Variants in ROBO1 observed in about 807,000 individuals in gnomAD.
The protein encoded by ROBO1 is roundabout homolog 1.
In ROBO1, 149 loss-of-function variants were observed where a neutral mutation model predicts 195.9. The observed-to-expected ratio is 0.76, with a 90% CI of 0.67 to 0.87. ROBO1 has a LOEUF of 0.87. ROBO1 is among the 40% of genes least tolerant of loss of function. The pLI, the probability that ROBO1 is intolerant of heterozygous loss-of-function variation, is 0.00. For synonymous variants in ROBO1, 816 were observed against 733.2 expected, an observed-to-expected ratio of 1.11 and a Z score of -1.82; for missense variants, 1,933 against 2,068.3, an observed-to-expected ratio of 0.93 and a Z score of 1.27.
intron 1 of ROBO1, among the ~76,000 whole-genome samples, chr3:79,677,555 G>C (rs1364708268): frequency 6.6e-6 from 1 of 152,022 alleles, no homozygotes; most frequent in Non-Finnish European, 1.5e-5. Flanking sequence ...ACCTGCCCCT[G>C]TGATTCAATT....
intron 1 of ROBO1, among the ~76,000 whole-genome samples, chr3:79,732,344 C>T (rs1192326197): frequency 1.3e-5 from 2 of 150,478 alleles, no homozygotes; most frequent in Non-Finnish European, 3.0e-5. Context: ...AAAATTTACA[C>T]AATTTAAAAA....
intron 2 of ROBO1, among the ~76,000 whole-genome samples, chr3:79,507,355 G>A (rs145123369): frequency 1.3e-5 from 2 of 152,256 alleles, no homozygotes; most frequent in East Asian, 3.9e-4. Flanking sequence ...AAATAAATGG[G>A]GGCAGGGGTT....
chr3:78,617,530 A>G (rs1704182848), intron 27 of ROBO1, 105 bp downstream of exon 27: 1 of 1,220,152 alleles, frequency 8.2e-7, no homozygotes, highest in Non-Finnish European at 1.1e-6. Context: ...AACTGTAAGA[A>G]TAGATGCTTT....
intron 4 of ROBO1, among the ~76,000 whole-genome samples, chr3:78,914,268 G>C (rs930731475): frequency 2.0e-5 from 3 of 151,960 alleles, no homozygotes; most frequent in Non-Finnish European, 4.4e-5. Flanking sequence ...AAACCATATT[G>C]CATCAAAAAT....
intron 2 of ROBO1, among the ~76,000 whole-genome samples, chr3:79,559,871 C>G (rs866189684): frequency 2.0e-5 from 3 of 151,890 alleles, no homozygotes; most frequent in Non-Finnish European, 4.4e-5. Context: ...GAGCTGAGAT[C>G]GTACCATTGC....
chr3:78,636,935 TTATATATATATA>T lies in ROBO1; in HGVS notation c.3038-839_3038-828del, dbSNP rs55894934. 2.3e-3 allele frequency among the ~76,000 whole-genome samples: 227 copies of T among 96,692 alleles called. 4 individuals are homozygous for T. The highest frequency in any genetic ancestry group is 0.022 in the Middle Eastern group (2 of 92). 63.4% of individuals were successfully genotyped at this position (96,692 alleles called of 152,430 possible). A position where few individuals can be genotyped will look rare whatever the true frequency, so the allele number is the denominator to read the frequency against. ...TACATACATAATATATACATTCATTTTATATATATATATATATATATATATATATATATATAT... is the reference window on the plus strand; with the variant it reads ...TACATACATAATATATACATTCATTTTATATATATATATATATATATATAT... On this transcript the variant is annotated intron_variant, in intron 22 of 30. Transcript: ENST00000464233.
chr3:79,684,112 T>C (rs571977115), intron 1 of ROBO1, among the ~76,000 whole-genome samples: 2 of 152,130 alleles, frequency 1.3e-5, no homozygotes, highest in Non-Finnish European at 1.5e-5. Flanking sequence ...CCAATACATG[T>C]TATGGTCCAT....
At chr3:79,467,044 G>C (rs1438395158) in intron 2 of ROBO1, among the ~76,000 whole-genome samples, 1 of 152,124 alleles carries the variant, frequency 6.6e-6, no homozygotes, top group East Asian at 1.9e-4. Context: ...CTCTGGAAGA[G>C]ACACGTGGCA....
In ROBO1 at chr3:79,691,109, T is replaced by A. The variant is rs567573931; in HGVS notation, c.-51+76643A>T. Reference sequence around the variant, plus strand: ...CAGGATATAAACCCAGGTCTGGAAATCCCTAACACACGTAAGAACAAGTCC... The same window carrying A: ...CAGGATATAAACCCAGGTCTGGAAAACCCTAACACACGTAAGAACAAGTCC... On this transcript the variant is annotated intron_variant, in intron 1 of 30. Transcript: ENST00000464233. 9.9e-5 allele frequency among the ~76,000 whole-genome samples: 15 copies of A among 152,018 alleles called. 1 individual carries two copies. The South Asian group carries it at 3.1e-3, about 31-fold the overall frequency.
chr3:79,697,373 C>A (rs1421946613), intron 1 of ROBO1, among the ~76,000 whole-genome samples: 1 of 151,462 alleles, frequency 6.6e-6, no homozygotes, highest in Non-Finnish European at 1.5e-5. Flanking sequence ...TAGATACATA[C>A]TTCACCCATA....
At chr3:79,529,576 C>G (rs1941567541) in intron 2 of ROBO1, among the ~76,000 whole-genome samples, 1 of 152,314 alleles carries the variant, frequency 6.6e-6, no homozygotes, top group East Asian at 1.9e-4. Flanking sequence ...TGAGCACAAG[C>G]ACTGCAACAC....
intron 2 of ROBO1, among the ~76,000 whole-genome samples, chr3:79,438,637 T>C (rs913431390): frequency 2.0e-5 from 3 of 152,012 alleles, no homozygotes; most frequent in Admixed American, 6.6e-5. Context: ...CACTCAATAG[T>C]TTATTTTCTA....
chr3:79,402,990 C>A (rs2037418992), intron 2 of ROBO1, among the ~76,000 whole-genome samples: 1 of 151,826 alleles, frequency 6.6e-6, no homozygotes, highest in African/African-American at 2.4e-5. Context: ...CATAGAGTAG[C>A]TACATTGCTA....
At chr3:78,839,831 A>G (rs1463016923) in intron 4 of ROBO1, among the ~76,000 whole-genome samples, 1 of 152,198 alleles carries the variant, frequency 6.6e-6, no homozygotes, top group Non-Finnish European at 1.5e-5. Flanking sequence ...ACAAAATGCC[A>G]TCTCCTCTGC....
At chr3:78,840,041 C>T (rs1368721709) in intron 4 of ROBO1, among the ~76,000 whole-genome samples, 1 of 152,160 alleles carries the variant, frequency 6.6e-6, no homozygotes, top group African/African-American at 2.4e-5. Context: ...TGTGTCTTAC[C>T]TGTCAAAAGT....
intron 2 of ROBO1, among the ~76,000 whole-genome samples, chr3:79,180,354 C>T (rs557290993): frequency 6.6e-6 from 1 of 152,246 alleles, no homozygotes; most frequent in East Asian, 1.9e-4. Context: ...ACTAACAAAA[C>T]AAATATGACT....
At chr3:79,428,381 T>C (rs975692238) in intron 2 of ROBO1, among the ~76,000 whole-genome samples, 1 of 152,126 alleles carries the variant, frequency 6.6e-6, no homozygotes, top group African/African-American at 2.4e-5. Flanking sequence ...ATACAATAAA[T>C]TAAAAATATG....
intron 2 of ROBO1, among the ~76,000 whole-genome samples, chr3:79,427,614 T>TAG (rs1463732818): frequency 1.3e-5 from 2 of 152,258 alleles, no homozygotes; most frequent in East Asian, 3.9e-4. Flanking sequence ...TGGAACAGAA[T>TAG]AGAGAACCCT....
At chr3:79,237,242 G>A (rs1481617767) in intron 2 of ROBO1, among the ~76,000 whole-genome samples, 3 of 152,102 alleles carry the variant, frequency 2.0e-5, no homozygotes, top group Admixed American at 6.5e-5. Context: ...CACCACTTTG[G>A]GAGCCCGAGG....
Sources: allele counts gnomAD v4.1 joint callset (sites outside exome capture counted in the v4.1 genomes callset), GRCh38; gene constraint gnomAD v4.1.1; transcripts MANE v1.5; gene names NCBI Gene and HGNC (gene_info 2026-07-23, HGNC 2026-07-21).